The following FAM20A variants were observed in gnomAD, a reference collection of about 807,000 sequenced individuals.
The protein encoded by FAM20A is pseudokinase FAM20A.
A neutral mutation model predicts 52.0 loss-of-function variants in FAM20A; 42 were observed. The observed-to-expected ratio is 0.81, with a 90% CI of 0.63 to 1.04. FAM20A has a LOEUF of 1.04. Ranked by LOEUF, FAM20A falls within the 50% of genes least tolerant of loss-of-function variation. FAM20A has a pLI of 0.00. For missense variants in FAM20A, 742 were observed against 712.7 expected (o/e 1.04, Z -0.47); for synonymous variants, 304 against 298.9 (o/e 1.02, Z -0.18).
At chr17:68,538,609 A>G (rs765668498) in intron 10 of FAM20A, among the ~76,000 whole-genome samples, 7 of 152,270 alleles carry the variant, frequency 4.6e-5, no homozygotes, top group Non-Finnish European at 8.8e-5. Flanking sequence ...GCCTTCTTCC[A>G]GTCTGCACAG....
Position 68,600,918 on chromosome 17 carries a change from G to T in FAM20A, c.-252C>A. The T allele has an allele frequency of 2.2e-6, 1 of 462,964 alleles. No individual in the cohort carries two copies. Among genetic ancestry groups the T allele is most frequent in the Non-Finnish European group, 3.8e-6 (1 of 266,172 alleles). 28.7% of individuals were successfully genotyped at this position (462,964 alleles called of 1,614,324 possible). A position where few individuals can be genotyped will look rare whatever the true frequency, so the allele number is the denominator to read the frequency against. The stretch of plus-strand genomic sequence containing the variant: ...CTTCTCCGCGCCGAGTGAGCCGAGG[G>T]AATGGGGTTCCCGGGGTGCCCGCTT... On this transcript the variant is annotated 5_prime_UTR_variant, in exon 1 of 11. Coordinates refer to ENST00000592554, the MANE Select transcript of FAM20A (RefSeq NM_017565.4). The surrounding 1 kb of genome is among the most constrained non-coding windows in gnomAD (Gnocchi z 6.2).
rs2086144175 is a variant in FAM20A at position 68,537,966 on chromosome 17, T to C, written c.1362-225A>G. 6.6e-6 allele frequency among the ~76,000 whole-genome samples: 1 copy of C among 152,218 alleles called. No homozygotes were observed. Among genetic ancestry groups the C allele is most frequent in the Non-Finnish European group, 1.5e-5 (1 of 68,038 alleles). On this transcript the variant is annotated intron_variant, in intron 10 of 10. Coordinates refer to ENST00000592554, the MANE Select transcript of FAM20A (RefSeq NM_017565.4). The surrounding 1 kb of genome is among the most constrained non-coding windows in gnomAD (Gnocchi z 4.2). ...ATTGCGATTTGGTCAAGAGCCTGCATAGCCATTTGTGCTCTAATAATGGTG... is the reference window on the plus strand; with the variant it reads ...ATTGCGATTTGGTCAAGAGCCTGCACAGCCATTTGTGCTCTAATAATGGTG...
rs1028759415 is a variant in FAM20A at position 68,536,156 on chromosome 17, G to A, written c.*1321C>T. 6.6e-6 allele frequency: 3 copies of A among 453,994 alleles called. No homozygotes were observed. Among genetic ancestry groups the A allele is most frequent in the African/African-American group, 6.0e-5 (3 of 50,004 alleles). 28.1% of individuals were successfully genotyped at this position (453,994 alleles called of 1,614,324 possible). A position where few individuals can be genotyped will look rare whatever the true frequency, so the allele number is the denominator to read the frequency against. Reference sequence around the variant, plus strand: ...CAGAAGTGTTATTTGTCCAGTCGAGGCTATCTTTGCTCACACTGCAGAAAG... The same window carrying A: ...CAGAAGTGTTATTTGTCCAGTCGAGACTATCTTTGCTCACACTGCAGAAAG... On this transcript the variant is annotated 3_prime_UTR_variant, in exon 11 of 11. Transcript: ENST00000592554.
At chr17:68,592,350 G>C (rs962316133) in intron 1 of FAM20A, among the ~76,000 whole-genome samples, 11 of 152,316 alleles carry the variant, frequency 7.2e-5, no homozygotes, top group African/African-American at 2.4e-4. Context: ...GGATTTATGA[G>C]TATTCAGCCA....
At chr17:68,591,572 T>C (rs142221295) in intron 1 of FAM20A, among the ~76,000 whole-genome samples, 147 of 152,310 alleles carry the variant, frequency 9.7e-4, no homozygotes, top group Admixed American at 1.6e-3. Flanking sequence ...AATGACTTAT[T>C]TGCTAGTGAT....
intron 1 of FAM20A, among the ~76,000 whole-genome samples, chr17:68,595,404 C>G (rs912373837): frequency 1.3e-5 from 2 of 152,146 alleles, no homozygotes; most frequent in African/African-American, 4.8e-5. Flanking sequence ...CCAGCCCTCT[C>G]AGAAACCATC....
At chr17:68,554,451 A>G (rs1020185974) in intron 3 of FAM20A, among the ~76,000 whole-genome samples, 2 of 152,148 alleles carry the variant, frequency 1.3e-5, no homozygotes, top group African/African-American at 4.8e-5. Context: ...TGAATTTGAA[A>G]GCGTGCTCCA....
chr17:68,596,099 T>C (rs965059034), intron 1 of FAM20A, among the ~76,000 whole-genome samples: 56 of 152,174 alleles, frequency 3.7e-4, no homozygotes, highest in African/African-American at 1.3e-3. Context: ...CCCAGTCTCT[T>C]TGCGGTGATT....
intron 1 of FAM20A, among the ~76,000 whole-genome samples, 185 bp from the exon 2 acceptor site, chr17:68,555,928 T>TTA (rs2143712941): frequency 6.6e-6 from 1 of 152,310 alleles, no homozygotes; most frequent in South Asian, 2.1e-4. Flanking sequence ...GGGTCCTTTC[T>TTA]TACCCTCAGA....
Position 68,539,960 on chromosome 17 carries a change from A to G in FAM20A, c.1226T>C (p.Met409Thr), listed in dbSNP as rs772356119. 1 of 1,614,010 alleles carries G rather than the reference A, an allele frequency of 6.2e-7. No homozygotes were observed. The highest frequency in any genetic ancestry group is 8.5e-7 in the Non-Finnish European group (1 of 1,180,010). Reference sequence around the variant, plus strand: ...GAACATCTCATAATGGTGCCGGTCCATATTCCCTGTGAAGGAGGGGAGGAC... The same window carrying G: ...GAACATCTCATAATGGTGCCGGTCCGTATTCCCTGTGAAGGAGGGGAGGAC... ...MAIFDFLIGNMDRHHYEMFTK... is the reference protein window; with the variant it reads ...MAIFDFLIGNTDRHHYEMFTK... The change falls in exon 9 of 11, where the codon ATG (methionine) becomes ACG (threonine). Residue 409 changes from methionine to threonine, a missense_variant. Transcript: ENST00000592554.
At chr17:68,540,038 C>T (rs2086219483) in intron 8 of FAM20A, 72 bp from the exon 9 acceptor site, 2 of 1,346,030 alleles carry the variant, frequency 1.5e-6, no homozygotes, top group Admixed American at 3.5e-5. Context: ...TGAGTTCTCT[C>T]CAGGGAACGG....
intron 1 of FAM20A, among the ~76,000 whole-genome samples, chr17:68,594,344 A>T (rs1479654855): frequency 6.6e-6 from 1 of 151,394 alleles, no homozygotes; most frequent in Non-Finnish European, 1.5e-5. Flanking sequence ...GCTTGCAGTG[A>T]GCCGAGATCG....
intron 1 of FAM20A, among the ~76,000 whole-genome samples, chr17:68,569,950 T>C (rs2087493085): frequency 6.6e-6 from 1 of 152,238 alleles, no homozygotes; most frequent in Non-Finnish European, 1.5e-5. Context: ...CCTTTATCCA[T>C]GCTGCACTTA....
intron 1 of FAM20A, among the ~76,000 whole-genome samples, chr17:68,597,128 C>T (rs1325410274): frequency 2.0e-5 from 3 of 151,926 alleles, no homozygotes; most frequent in Non-Finnish European, 2.9e-5. Context: ...GGGAGACACA[C>T]CATAACCTAC....
At chr17:68,566,919 C>T (rs957069045) in intron 1 of FAM20A, among the ~76,000 whole-genome samples, 1 of 152,214 alleles carries the variant, frequency 6.6e-6, no homozygotes, top group African/African-American at 2.4e-5. Flanking sequence ...TTTACTTCTG[C>T]ATCTTCGGTC....
At chr17:68,596,103 G>A (rs2088444850) in intron 1 of FAM20A, among the ~76,000 whole-genome samples, 1 of 152,128 alleles carries the variant, frequency 6.6e-6, no homozygotes, top group East Asian at 1.9e-4. Context: ...GTCTCTTTGC[G>A]GTGATTTTCA....
At chr17:68,583,246 G>C (rs1353465031) in intron 1 of FAM20A, among the ~76,000 whole-genome samples, 1 of 152,044 alleles carries the variant, frequency 6.6e-6, no homozygotes, top group African/African-American at 2.4e-5. Context: ...TTTTCTGTTG[G>C]GGCCCTAACA....
chr17:68,600,192 A>G lies in FAM20A; in HGVS notation c.404+71T>C. The G allele has an allele frequency of 6.6e-7, 1 of 1,511,656 alleles. No individual in the cohort carries two copies. Among genetic ancestry groups the G allele is most frequent in the East Asian group, 2.5e-5 (1 of 40,492 alleles). 93.6% of individuals were successfully genotyped at this position (1,511,656 alleles called of 1,614,324 possible). A position where few individuals can be genotyped will look rare whatever the true frequency, so the allele number is the denominator to read the frequency against. On this transcript the variant is annotated intron_variant, in intron 1 of 10. Coordinates refer to ENST00000592554, the MANE Select transcript of FAM20A (RefSeq NM_017565.4). This position sits in a 1 kb window ranked among gnomAD's most constrained non-coding sequence, Gnocchi z 6.2. ...AGCCCTGGGCCGGGGGCGTCAGGAA[A>G]CTCGAGACTGGGGCGCGGGGAGGCC...
intron 1 of FAM20A, among the ~76,000 whole-genome samples, chr17:68,595,066 G>A (rs1167056321): frequency 6.6e-6 from 1 of 152,242 alleles, no homozygotes; most frequent in Non-Finnish European, 1.5e-5. Flanking sequence ...CAGAGGTTAT[G>A]AGGCTTAAAA....
Sources: gnomAD v4.1 joint callset for allele counts (sites outside exome capture counted in the v4.1 genomes callset) on GRCh38, gnomAD v4.1.1 for gene constraint, Gnocchi (gnomAD v3.1) non-coding constraint, MANE v1.5 for transcripts, NCBI Gene and HGNC (gene_info 2026-07-23, HGNC 2026-07-21) for gene names.